The following PLD5 variants were observed in gnomAD, a reference collection of about 807,000 sequenced individuals.
The protein encoded by PLD5 is inactive phospholipase D5.
In PLD5, 36 loss-of-function variants were observed where a neutral mutation model predicts 61.1. The ratio of observed to expected loss-of-function variants is 0.59; its 90% CI spans 0.45 to 0.78. The LOEUF is 0.78. PLD5 is among the 30% of genes least tolerant of loss of function. The pLI is 0.00. For synonymous variants in PLD5, 243 were observed against 242.8 expected (o/e 1.00, Z -0.01); for missense variants, 515 against 644.4 (o/e 0.80, Z 2.17).
chr1:242,211,346 G>A (rs1003192162), intron 5 of PLD5, among the ~76,000 whole-genome samples: 3 of 152,156 alleles, frequency 2.0e-5, no homozygotes, highest in African/African-American at 7.2e-5. Flanking sequence ...AGCTTGGGAC[G>A]CAGATACAAA....
At chr1:242,124,177 C>T (rs1395013144) in intron 6 of PLD5, among the ~76,000 whole-genome samples, 1 of 152,110 alleles carries the variant, frequency 6.6e-6, no homozygotes, top group East Asian at 1.9e-4. Context: ...TAGGTAAGGT[C>T]GATACCTTCA....
intron 2 of PLD5, among the ~76,000 whole-genome samples, chr1:242,293,987 T>C (rs1348069741): frequency 1.3e-5 from 2 of 152,246 alleles, no homozygotes; most frequent in African/African-American, 4.8e-5. Context: ...GAAGCAGAAC[T>C]CATTTACATG....
chr1:242,285,265 C>A (rs1412371027), intron 3 of PLD5, among the ~76,000 whole-genome samples: 1 of 152,112 alleles, frequency 6.6e-6, no homozygotes, highest in Non-Finnish European at 1.5e-5. Context: ...ATATGGGAGA[C>A]CGTGGTGGGT....
intron 5 of PLD5, among the ~76,000 whole-genome samples, chr1:242,193,592 G>T (rs994086163): frequency 1.3e-5 from 2 of 152,230 alleles, no homozygotes; most frequent in African/African-American, 4.8e-5. Flanking sequence ...ACTCCTTGTA[G>T]ACCATGTTTG....
intron 4 of PLD5, among the ~76,000 whole-genome samples, chr1:242,247,980 C>T (rs1212953437): frequency 6.6e-6 from 1 of 152,186 alleles, no homozygotes; most frequent in Non-Finnish European, 1.5e-5. Flanking sequence ...GAGGCCATGA[C>T]CATCCAATGG....
At chr1:242,113,808 C>T (rs1437856039) in intron 7 of PLD5, 82 bp downstream of exon 7, 1 of 1,470,412 alleles carries the variant, frequency 6.8e-7, no homozygotes, top group Non-Finnish European at 9.1e-7. Flanking sequence ...TCTCCATTTC[C>T]AGGCTGGCTT....
chr1:242,417,832 G>T (rs887516722), intron 1 of PLD5, among the ~76,000 whole-genome samples: 4 of 152,220 alleles, frequency 2.6e-5, no homozygotes, highest in African/African-American at 4.8e-5. Context: ...GAGCAAGGGA[G>T]TGGCAGGGAA....
intron 9 of PLD5, among the ~76,000 whole-genome samples, chr1:242,099,598 C>T (rs965278564): frequency 6.6e-6 from 1 of 152,166 alleles, no homozygotes; most frequent in African/African-American, 2.4e-5. Context: ...GGATGCCAGA[C>T]CCGGCTCCTT....
chr1:242,495,618 A>G (rs74150732), intron 1 of PLD5, among the ~76,000 whole-genome samples: 3,288 of 152,304 alleles, frequency 0.022, 113 homozygotes, highest in African/African-American at 0.076. Flanking sequence ...TTGGTGAACA[A>G]ATAAGTGGGT....
chr1:242,119,097 C>T (rs921922188), intron 6 of PLD5, among the ~76,000 whole-genome samples: 5 of 152,126 alleles, frequency 3.3e-5, no homozygotes, highest in African/African-American at 1.2e-4. Context: ...AATCTTTTAC[C>T]AGTCAAGAGC....
At chr1:242,200,476 T>C (rs765812509) in intron 5 of PLD5, among the ~76,000 whole-genome samples, 40 of 152,370 alleles carry the variant, frequency 2.6e-4, no homozygotes, top group South Asian at 1.0e-3. Context: ...TCTTTCTGCA[T>C]ACTTTTTGGT....
intron 3 of PLD5, among the ~76,000 whole-genome samples, chr1:242,276,186 A>G (rs1185551580): frequency 1.3e-5 from 2 of 151,108 alleles, no homozygotes; most frequent in Non-Finnish European, 2.9e-5. Flanking sequence ...ATATTTAAAA[A>G]CATCAGCTGG....
At chr1:242,309,582 C>T (rs1476867838) in intron 2 of PLD5, among the ~76,000 whole-genome samples, 1 of 151,772 alleles carries the variant, frequency 6.6e-6, no homozygotes, top group African/African-American at 2.4e-5. Flanking sequence ...CCATGTTGGC[C>T]AGGCTGGTCT....
Position 242,256,986 on chromosome 1 carries a change from C to A in PLD5, c.607+8351G>T, listed in dbSNP as rs1673089684. 6.6e-6 allele frequency among the ~76,000 whole-genome samples: 1 copy of A among 151,582 alleles called. No individual in the cohort carries two copies. The highest frequency in any genetic ancestry group is 1.9e-4 in the East Asian group (1 of 5,130). ...TATATCTATCTACCTACCTACCTAC[C>A]TTCTTTCTATCATCTATCTATCTAT... On this transcript the variant is annotated intron_variant, in intron 4 of 9. Coordinates refer to ENST00000536534, the MANE Select transcript of PLD5 (RefSeq NM_001372062.1). The surrounding 1 kb of genome is among the most constrained non-coding windows in gnomAD (Gnocchi z 5.7).
At chr1:242,190,702 C>CA (rs967445302) in intron 5 of PLD5, among the ~76,000 whole-genome samples, 1 of 151,116 alleles carries the variant, frequency 6.6e-6, no homozygotes, top group African/African-American at 2.4e-5. Context: ...GGCAACATGG[C>CA]AAAACCTCAT....
At chr1:242,368,497 C>T (rs1661461759) in intron 1 of PLD5, among the ~76,000 whole-genome samples, 1 of 152,108 alleles carries the variant, frequency 6.6e-6, no homozygotes. Context: ...TGCCAATCTG[C>T]AGTGAAATGC....
At chr1:242,265,846 T>C (rs1673640030) in intron 3 of PLD5, among the ~76,000 whole-genome samples, 1 of 152,244 alleles carries the variant, frequency 6.6e-6, no homozygotes, top group African/African-American at 2.4e-5. Context: ...TTTCTTAATC[T>C]CACTAATCTC....
In PLD5 at chr1:242,505,524, G is replaced by A. The variant is rs574963172; in HGVS notation, c.189+18564C>T. Among the ~76,000 whole-genome samples the A allele has an allele frequency of 2.0e-5, 3 of 151,996 alleles. No individual in the cohort carries two copies. The South Asian group carries it at 6.3e-4, about 32-fold the overall frequency. ...GAAGAAAATAAGGATGCATTTCTCA[G>A]GGAGGCTGTGATGGGCACATTTTCT... On this transcript the variant is annotated intron_variant, in intron 1 of 9. Transcript: ENST00000536534.
At chr1:242,149,325 G>A (rs1049531993) in intron 5 of PLD5, among the ~76,000 whole-genome samples, 1 of 151,726 alleles carries the variant, frequency 6.6e-6, no homozygotes, top group Non-Finnish European at 1.5e-5. Context: ...AACTAGCCTT[G>A]CATTCCTGAG....
Sources: gnomAD v4.1 joint callset for allele counts (sites outside exome capture counted in the v4.1 genomes callset) on GRCh38, gnomAD v4.1.1 for gene constraint, Gnocchi (gnomAD v3.1) non-coding constraint, MANE v1.5 for transcripts, NCBI Gene and HGNC (gene_info 2026-07-23, HGNC 2026-07-21) for gene names.